DCC: variants seen among roughly 807,000 people sequenced by gnomAD.
DCC encodes DCC netrin 1 receptor.
In DCC, 58 loss-of-function variants were observed where a neutral mutation model predicts 172.5. That is an observed-to-expected ratio of 0.34 (90% CI 0.27 to 0.42). DCC has a LOEUF of 0.42. Ranked by LOEUF, DCC falls within the 10% of genes least tolerant of loss-of-function variation. DCC has a pLI of 1.00. For synonymous variants in DCC, 709 were observed against 644.5 expected, an observed-to-expected ratio of 1.10 and a Z score of -1.52; for missense variants, 1,740 against 1,791.0, an observed-to-expected ratio of 0.97 and a Z score of 0.51.
intron 18 of DCC, among the ~76,000 whole-genome samples, chr18:53,402,394 AAAAAAAAAAAT>A (rs888727888): frequency 1.3e-5 from 1 of 74,588 alleles, no homozygotes; most frequent in African/African-American, 3.1e-5. Context: ...TGTCTCAAAA[AAAAAAAAAAAT>A]AAATAAATAA....
chr18:52,364,468 A>G (rs1357950740), intron 1 of DCC, among the ~76,000 whole-genome samples: 1 of 152,216 alleles, frequency 6.6e-6, no homozygotes, highest in African/African-American at 2.4e-5. Context: ...ATAACTTAAA[A>G]AAAGCTTAGC....
intron 1 of DCC, among the ~76,000 whole-genome samples, chr18:52,522,395 G>C (rs1568211224): frequency 6.6e-6 from 1 of 152,064 alleles, no homozygotes; most frequent in Non-Finnish European, 1.5e-5. Context: ...TCTTAGTGCT[G>C]TCCAAGGACT....
intron 2 of DCC, among the ~76,000 whole-genome samples, chr18:52,872,307 G>A (rs1209163674): frequency 6.6e-6 from 1 of 152,092 alleles, no homozygotes; most frequent in Non-Finnish European, 1.5e-5. Flanking sequence ...CTCACAGGTA[G>A]CAGCCCTCAG....
At chr18:53,400,812 C>A (rs1435532436) in intron 18 of DCC, among the ~76,000 whole-genome samples, 1 of 152,060 alleles carries the variant, frequency 6.6e-6, no homozygotes, top group East Asian at 1.9e-4. Flanking sequence ...GTTGAAGAAT[C>A]ACTTTATCCT....
intron 26 of DCC, among the ~76,000 whole-genome samples, chr18:53,489,738 A>G (rs1215728911): frequency 6.6e-6 from 1 of 152,204 alleles, no homozygotes; most frequent in East Asian, 1.9e-4. Flanking sequence ...TCCAACCATA[A>G]GGAAAGAAAA....
At chr18:52,520,671 G>T (rs1351099650) in intron 1 of DCC, among the ~76,000 whole-genome samples, 1 of 151,794 alleles carries the variant, frequency 6.6e-6, no homozygotes, top group Non-Finnish European at 1.5e-5. Flanking sequence ...TTCAGATTGA[G>T]TTTTAAATAC....
intron 4 of DCC, among the ~76,000 whole-genome samples, chr18:52,924,985 A>T (rs962854085): frequency 9.0e-5 from 13 of 145,230 alleles, no homozygotes; most frequent in Admixed American, 5.5e-4. Flanking sequence ...TTTTTTTTTT[A>T]GCACTAAAGT....
intron 7 of DCC, among the ~76,000 whole-genome samples, chr18:53,101,341 C>A (rs1207527483): frequency 6.6e-6 from 1 of 152,070 alleles, no homozygotes; most frequent in Middle Eastern, 3.4e-3. Flanking sequence ...TAGGGGCCTG[C>A]AGAAAGAGCT....
chr18:52,980,029 C>G (rs58265947), intron 5 of DCC, among the ~76,000 whole-genome samples: 1 of 152,018 alleles, frequency 6.6e-6, no homozygotes, highest in African/African-American at 2.4e-5. Flanking sequence ...GCACGGCTTT[C>G]GTGTTCAATC....
chr18:53,275,429 C>T (rs1366346378), intron 12 of DCC, among the ~76,000 whole-genome samples: 2 of 152,110 alleles, frequency 1.3e-5, no homozygotes, highest in African/African-American at 2.4e-5. Flanking sequence ...CTGAATTCTA[C>T]AGTCTAACTA....
intron 1 of DCC, among the ~76,000 whole-genome samples, chr18:52,375,814 T>C (rs1390251036): frequency 6.6e-6 from 1 of 152,156 alleles, no homozygotes; most frequent in Non-Finnish European, 1.5e-5. Flanking sequence ...GTGGGTTAAG[T>C]GTTTCTGGGA....
intron 24 of DCC, among the ~76,000 whole-genome samples, chr18:53,465,195 TTGTC>T (rs996872133): frequency 1.3e-5 from 2 of 152,072 alleles, no homozygotes; most frequent in Non-Finnish European, 2.9e-5. Flanking sequence ...TCCTGTTTGA[TTGTC>T]TGAGATTCCT....
chr18:52,481,594 C>T (rs918119643), intron 1 of DCC, among the ~76,000 whole-genome samples: 9 of 151,942 alleles, frequency 5.9e-5, no homozygotes, highest in Admixed American at 4.6e-4. Flanking sequence ...ACCAAGGTTA[C>T]GTGCATACAT....
chr18:53,223,617 T>C (rs2055976517), intron 12 of DCC, among the ~76,000 whole-genome samples: 1 of 152,168 alleles, frequency 6.6e-6, no homozygotes, highest in African/African-American at 2.4e-5. Context: ...GTTGGAATGG[T>C]TGATTAGTTA....
chr18:53,103,277 T>C lies in DCC; in HGVS notation c.1261+37111T>C, dbSNP rs149554116. On this transcript the variant is annotated intron_variant, in intron 7 of 28. Coordinates refer to ENST00000442544, the MANE Select transcript of DCC (RefSeq NM_005215.4). ...CAGGGTACATACTCTGTGCAGTGCATGGTAGCAGAAACTTGAGGAGGTTCA... is the reference window on the plus strand; with the variant it reads ...CAGGGTACATACTCTGTGCAGTGCACGGTAGCAGAAACTTGAGGAGGTTCA... Among the ~76,000 whole-genome samples the C allele has an allele frequency of 7.2e-4, 109 of 152,170 alleles. 1 individual carries two copies. Among genetic ancestry groups the C allele is most frequent in the African/African-American group, 2.4e-3 (101 of 41,548 alleles).
At chr18:53,113,341 C>T (rs1425089744) in intron 7 of DCC, among the ~76,000 whole-genome samples, 1 of 151,314 alleles carries the variant, frequency 6.6e-6, no homozygotes, top group Non-Finnish European at 1.5e-5. Flanking sequence ...GATTTCAATA[C>T]AGTGAGAGAC....
At chr18:53,482,231 T>C (rs2145211683) in intron 25 of DCC, among the ~76,000 whole-genome samples, 1 of 152,308 alleles carries the variant, frequency 6.6e-6, no homozygotes, top group Admixed American at 6.5e-5. Flanking sequence ...AAATGAATCA[T>C]AGAATAAAAT....
At chr18:52,764,379 T>C (rs116650146) in intron 2 of DCC, among the ~76,000 whole-genome samples, 1,720 of 152,270 alleles carry the variant, frequency 0.011, 29 homozygotes, top group African/African-American at 0.04. Context: ...TGGATATTCA[T>C]CCCCTCCAAA....
chr18:52,626,349 T>G (rs1308185256), intron 1 of DCC, among the ~76,000 whole-genome samples: 2 of 152,176 alleles, frequency 1.3e-5, no homozygotes, highest in African/African-American at 4.8e-5. Flanking sequence ...ACTTCCAAAA[T>G]AGATCTCCAG....
Sources: gnomAD v4.1 joint callset for allele counts (sites outside exome capture counted in the v4.1 genomes callset) on GRCh38, gnomAD v4.1.1 for gene constraint, MANE v1.5 for transcripts, NCBI Gene and HGNC (gene_info 2026-07-23, HGNC 2026-07-21) for gene names.